The following CPNE5 variants were observed in gnomAD, a reference collection of about 807,000 sequenced individuals.
CPNE5 encodes copine-5.
CPNE5 carries 42 observed loss-of-function variants against 81.1 expected under a neutral mutation model. The ratio of observed to expected loss-of-function variants is 0.52; its 90% confidence interval spans 0.40 to 0.67. CPNE5 has a LOEUF of 0.67. Ranked by LOEUF, CPNE5 falls within the 30% of genes least tolerant of loss-of-function variation. The pLI is 0.00. For synonymous variants in CPNE5, 313 were observed against 321.5 expected (o/e 0.97, Z 0.28); for missense variants, 612 against 815.5 (o/e 0.75, Z 3.04).
chr6:36,798,202 C>G lies in CPNE5; in HGVS notation c.367G>C (p.Val123Leu), dbSNP rs777350158. 6.2e-7 allele frequency: 1 copy of G among 1,613,890 alleles called. No homozygotes were observed. Among genetic ancestry groups the G allele is most frequent in the Non-Finnish European group, 8.5e-7 (1 of 1,179,932 alleles). ...TCCAGGCGGCTCCCAGGGGACCCCA[C>G]AATCTCTCCAAGGGTGCAGAAGGCC... The part of the protein sequence containing the change: ...GQAFCTLGEI[V>L]GSPGSRLEKP... The change falls in exon 6 of 21, where the codon GTG becomes CTG. Residue 123 changes from valine to leucine, a missense_variant. Val to Leu is a conservative substitution (Grantham distance 32, BLOSUM62 1). Coordinates refer to ENST00000244751, the MANE Select transcript of CPNE5 (RefSeq NM_020939.2).
intron 18 of CPNE5, 65 bp downstream of exon 18, chr6:36,744,983 G>T: frequency 8.8e-7 from 1 of 1,132,194 alleles, no homozygotes; most frequent in East Asian, 2.4e-5. Flanking sequence ...ACATCCCCAG[G>T]GTTCCCCTAA....
chr6:36,829,330 T>TA (rs1211012632), intron 1 of CPNE5, among the ~76,000 whole-genome samples: 6 of 151,054 alleles, frequency 4.0e-5, no homozygotes, highest in African/African-American at 7.3e-5. Context: ...ACCCTGTCTC[T>TA]AAAAAAAATA....
At chr6:36,794,084 G>A (rs1037201075) in intron 7 of CPNE5, among the ~76,000 whole-genome samples, 9 of 152,230 alleles carry the variant, frequency 5.9e-5, no homozygotes, top group South Asian at 2.1e-4. Context: ...GCGAGCAAAC[G>A]AGCAAACGTG....
chr6:36,742,885 C>G, intron 20 of CPNE5: 1 of 985,436 alleles, frequency 1.0e-6, no homozygotes, highest in African/African-American at 1.7e-5. Context: ...TCTCTGGCCT[C>G]TCTTCGTTCC....
At chr6:36,776,665 C>T (rs1249683169) in intron 9 of CPNE5, among the ~76,000 whole-genome samples, 2 of 152,192 alleles carry the variant, frequency 1.3e-5, no homozygotes, top group African/African-American at 4.8e-5. Context: ...GGACCCTCTG[C>T]AGCCTCCCAT....
intron 1 of CPNE5, among the ~76,000 whole-genome samples, chr6:36,833,060 C>A (rs1773097254): frequency 1.3e-5 from 2 of 152,170 alleles, no homozygotes; most frequent in Non-Finnish European, 2.9e-5. Context: ...GGAGAGACTG[C>A]CTACCTTTTG....
rs148317982 is a variant in CPNE5, at chr6:36,769,870, C to T, written c.738-4494G>A. ...CCGGATGCAAAAGAGAAGGAACTCA[C>T]ACATCAAGGGTGCCAGGCAGAAGTG... On this transcript the variant is annotated intron_variant, in intron 10 of 20. Transcript: ENST00000244751. Among the ~76,000 whole-genome samples the T allele has an allele frequency of 6.6e-5, 10 of 152,292 alleles. No homozygotes were observed. In the East Asian group the frequency reaches 1.7e-3, roughly 26 times the overall value.
chr6:36,790,756 G>A (rs951944965), intron 8 of CPNE5, among the ~76,000 whole-genome samples: 1 of 152,052 alleles, frequency 6.6e-6, no homozygotes, highest in Non-Finnish European at 1.5e-5. Flanking sequence ...TGCTGGCCAG[G>A]CTGGTCTCAA....
At position 36,778,896 on chromosome 6, in the gene CPNE5, G is replaced by T. The variant is rs1767779787; in HGVS notation, c.590C>A (p.Ser197Tyr). ...TCTGTAGAATACCAAGAAGGGGTCA[G>T]ATTTCCCAAAGAAATCTTTCTTGTC... The part of the protein sequence containing the change: ...KLDKKDFFGK[S>Y]DPFLVFYRSN... Residue 197 changes from serine to tyrosine, a missense_variant, in exon 9 of 21, where the codon TCT (serine) becomes TAT (tyrosine). By Grantham distance (144) the Ser-to-Tyr change is moderately radical (BLOSUM62 -2). Coordinates refer to ENST00000244751, the MANE Select transcript of CPNE5 (RefSeq NM_020939.2). The T allele has an allele frequency of 6.2e-7, 1 of 1,606,884 alleles. No individual in the cohort carries two copies. The highest frequency in any genetic ancestry group is 1.3e-5 in the African/African-American group (1 of 74,838).
chr6:36,819,660 G>C (rs2150581084), intron 3 of CPNE5, among the ~76,000 whole-genome samples: 1 of 152,270 alleles, frequency 6.6e-6, no homozygotes, highest in African/African-American at 2.4e-5. Context: ...TCACCCTCAG[G>C]CTCTTGTCAT....
At chr6:36,798,809 T>C (rs1485620515) in intron 4 of CPNE5, among the ~76,000 whole-genome samples, 2 of 152,120 alleles carry the variant, frequency 1.3e-5, no homozygotes, top group African/African-American at 4.8e-5. Flanking sequence ...ATCAATGAGC[T>C]CTGTTCACAG....
Position 36,820,335 on chromosome 6 carries a change from CT to C in CPNE5, c.183+1778del, listed in dbSNP as rs1163633243. 1.3e-3 allele frequency among the ~76,000 whole-genome samples: 123 copies of C among 92,394 alleles called. 1 individual carries two copies. Among genetic ancestry groups the C allele is most frequent in the Middle Eastern group, 7.9e-3 (1 of 126 alleles). The allele number at this position is 92,394 out of a possible 152,430, so 60.6% of individuals were successfully genotyped here. A position where few individuals can be genotyped will look rare whatever the true frequency, so the allele number is the denominator to read the frequency against. On this transcript the variant is annotated intron_variant, in intron 3 of 20. Transcript: ENST00000244751. ...GCCCAGCTTCCTTTCCTAATCCATTCTTTTTTTTTTTTTTTTTTTTTTTTGA... is the reference window on the plus strand; with the variant it reads ...GCCCAGCTTCCTTTCCTAATCCATTCTTTTTTTTTTTTTTTTTTTTTTTGA...
At chr6:36,749,843 G>C (rs2150371020) in intron 14 of CPNE5, among the ~76,000 whole-genome samples, 1 of 152,270 alleles carries the variant, frequency 6.6e-6, no homozygotes, top group Non-Finnish European at 1.5e-5. Context: ...TAAAAAGTTA[G>C]GTTTTGAGGA....
At chr6:36,767,507 G>T (rs7769909) in intron 10 of CPNE5, among the ~76,000 whole-genome samples, 2,542 of 152,282 alleles carry the variant, frequency 0.017, 63 homozygotes, top group African/African-American at 0.054. Context: ...GGCCCCACAA[G>T]GCTGAAGTCT....
chr6:36,836,849 A>T (rs987256340), intron 1 of CPNE5, among the ~76,000 whole-genome samples: 3 of 149,472 alleles, frequency 2.0e-5, no homozygotes, highest in African/African-American at 7.4e-5. Context: ...CTGTTTTCTC[A>T]CCTCCCCTCT....
At chr6:36,801,078 C>A (rs1383873089) in intron 3 of CPNE5, among the ~76,000 whole-genome samples, 1 of 152,230 alleles carries the variant, frequency 6.6e-6, no homozygotes, top group Non-Finnish European at 1.5e-5. Flanking sequence ...CCACTAAATT[C>A]TGGGATAATT....
chr6:36,781,358 C>G (rs1324040286), intron 8 of CPNE5, among the ~76,000 whole-genome samples: 2 of 152,016 alleles, frequency 1.3e-5, no homozygotes, highest in Admixed American at 1.3e-4. Context: ...GATGCTAGGA[C>G]CTGTGTTAAG....
At chr6:36,748,195 G>A (rs1764398630) in intron 15 of CPNE5, 26 bp downstream of exon 15, 3 of 1,610,728 alleles carry the variant, frequency 1.9e-6, no homozygotes, top group Non-Finnish European at 2.5e-6. Flanking sequence ...CTCCCACCCT[G>A]CTCCTCTACC....
chr6:36,746,380 C>G lies in CPNE5; in HGVS notation c.1200+16G>C. On this transcript the variant is annotated intron_variant, in intron 16 of 20. Coordinates refer to ENST00000244751, the MANE Select transcript of CPNE5 (RefSeq NM_020939.2). The surrounding 1 kb of genome is among the most constrained non-coding windows in gnomAD (Gnocchi z 4.5). ...CAGCCTGATCAGTCCTCTCTCCCAC[C>G]AGCGGGACCACCTACCAGTGGGAAC... The G allele has an allele frequency of 1.9e-6, 3 of 1,603,536 alleles. No homozygotes were observed. The highest frequency in any genetic ancestry group is 2.6e-6 in the Non-Finnish European group (3 of 1,175,484).
Sources: gnomAD v4.1 joint callset for allele counts (sites outside exome capture counted in the v4.1 genomes callset) on GRCh38, gnomAD v4.1.1 for gene constraint, Gnocchi (gnomAD v3.1) non-coding constraint, MANE v1.5 for transcripts, NCBI Gene and HGNC (gene_info 2026-07-23, HGNC 2026-07-21) for gene names.